MYO5A: variants seen among roughly 807,000 people sequenced by gnomAD.
MYO5A encodes the protein unconventional myosin-Va.
In MYO5A, 98 loss-of-function variants were observed where a neutral mutation model predicts 249.7. That is an observed-to-expected ratio of 0.39 (90% CI 0.33 to 0.46). The LOEUF (loss-of-function observed/expected upper bound fraction) is 0.46. MYO5A is among the 20% of genes least tolerant of loss of function. The pLI, the probability that MYO5A is intolerant of heterozygous loss-of-function variation, is 0.98. For synonymous variants in MYO5A, 778 were observed against 810.6 expected (o/e 0.96, Z 0.68); for missense variants, 1,696 against 2,308.8 (o/e 0.73, Z 5.44).
chr15:52,352,027 T>C (rs2039979065), intron 27 of MYO5A, among the ~76,000 whole-genome samples: 1 of 152,254 alleles, frequency 6.6e-6, no homozygotes, highest in Admixed American at 6.5e-5. Flanking sequence ...CTCCCTTTTG[T>C]GTCTAAATGA....
chr15:52,316,479 C>T (rs150853116), intron 40 of MYO5A, among the ~76,000 whole-genome samples: 161 of 152,306 alleles, frequency 1.1e-3, no homozygotes, highest in African/African-American at 3.8e-3. Flanking sequence ...TTTGCTAGAA[C>T]CTCTACGGTA....
chr15:52,382,269 T>C (rs1362147092), intron 16 of MYO5A, among the ~76,000 whole-genome samples: 1 of 152,222 alleles, frequency 6.6e-6, no homozygotes, highest in African/African-American at 2.4e-5. Flanking sequence ...ACAATGTACA[T>C]GTATTACTTT....
rs762509740 is a variant in MYO5A at position 52,425,972 on chromosome 15, T to C, written c.313A>G (p.Ile105Val). Reference sequence around the variant, plus strand: ...TAGGGATTTATAGCTACTAGGACTATACCTGGGAATAGGGTAGGGGACAAG... The same window carrying C: ...TAGGGATTTATAGCTACTAGGACTACACCTGGGAATAGGGTAGGGGACAAG... ...DSKLIYTYCG[I>V]VLVAINPYEQ... Residue 105 changes from isoleucine (I) to valine (V), a missense_variant and splice_region_variant, in exon 4 of 42, where the codon ATA (isoleucine) becomes GTA (valine). Around this residue, in one of 5 missense-constraint regions of MYO5A, gnomAD observed 197 missense variants for 320.3 expected, o/e 0.62. Coordinates refer to ENST00000399233, the MANE Select transcript of MYO5A (RefSeq NM_001382347.1). The C allele has an allele frequency of 6.8e-6, 11 of 1,611,666 alleles. No individual in the cohort carries two copies. Among genetic ancestry groups the C allele is most frequent in the African/African-American group, 1.3e-5 (1 of 74,856 alleles).
At position 52,372,208 on chromosome 15, in the gene MYO5A, C is replaced by T. The variant is rs768589221; in HGVS notation, c.2733G>A (p.Glu911=). The T allele has an allele frequency of 3.7e-6, 6 of 1,613,600 alleles. No individual in the cohort carries two copies. In the Admixed American group the frequency reaches 8.3e-5, roughly 22 times the overall value. The change falls in exon 21 of 42, where the codon GAG becomes GAA. Residue 911 remains glutamate, a synonymous_variant. Transcript: ENST00000399233. The stretch of plus-strand genomic sequence containing the variant: ...TCTTATAGCGCTCCACTGAGCGAGC[C>T]TCGATTTTGAGCTTCTTTAGCTCAC... ...AKRELKKLKI[E]ARSVERYKKL... is the part of the protein sequence containing the mutation.
chr15:52,397,083 A>G (rs1402235287), intron 10 of MYO5A, 118 bp downstream of exon 10: 3 of 1,245,958 alleles, frequency 2.4e-6, no homozygotes, highest in African/African-American at 3.0e-5. Context: ...GAATTGTCAT[A>G]GGCAAAGTTT....
Position 52,360,044 on chromosome 15 carries a change from G to A in MYO5A, c.3347C>T (p.Thr1116Ile), listed in dbSNP as rs2040439877. The change falls in exon 25 of 42, where the codon ACC (threonine) becomes ATC (isoleucine). Residue 1116 changes from threonine to isoleucine, a missense_variant. Around this residue, in one of 5 missense-constraint regions of MYO5A, gnomAD observed 412 missense variants for 453.3 expected, o/e 0.91. Transcript: ENST00000399233. ...ATATTCAGACTCGTTGCTGCTGTGGGTGGAGTCTGTTCTCTTGTGTCCAGG... is the reference window on the plus strand; with the variant it reads ...ATATTCAGACTCGTTGCTGCTGTGGATGGAGTCTGTTCTCTTGTGTCCAGG... Reference protein sequence around the residue: ...PKPGHKRTDSTHSSNESEYIF... With the variant: ...PKPGHKRTDSIHSSNESEYIF... 1 of 1,613,572 alleles carries A rather than the reference G, an allele frequency of 6.2e-7. No individual in the cohort carries two copies. The highest frequency in any genetic ancestry group is 8.5e-7 in the Non-Finnish European group (1 of 1,179,762).
intron 25 of MYO5A, among the ~76,000 whole-genome samples, chr15:52,359,516 A>C (rs2040414233): frequency 6.6e-6 from 1 of 152,200 alleles, no homozygotes; most frequent in African/African-American, 2.4e-5. Flanking sequence ...AGTTTTGCTA[A>C]ACTCTGGGGC....
intron 26 of MYO5A, 92 bp downstream of exon 26, chr15:52,353,779 G>A (rs2040067274): frequency 6.2e-7 from 1 of 1,603,654 alleles, no homozygotes; most frequent in African/African-American, 1.3e-5. Context: ...AGTGGTGCTT[G>A]GATAGGCTGG....
chr15:52,389,496 T>C, intron 12 of MYO5A, 133 bp from the exon 13 acceptor site: 1 of 835,538 alleles, frequency 1.2e-6, no homozygotes, highest in Non-Finnish European at 1.8e-6. Flanking sequence ...AATTTAGGAG[T>C]TCATTCCTTC....
Position 52,317,030 on chromosome 15 carries a change from CAG to C in MYO5A, c.5409+16_5409+17del. ...TGATGAATGTTAAATTATTTTGTAA[CAG>C]GGAAAGTTGCTCTACCTGGGCAGTA... On this transcript the variant is annotated intron_variant, in intron 40 of 41. Transcript: ENST00000399233. 1 of 1,607,684 alleles carries C rather than the reference CAG, an allele frequency of 6.2e-7. No individual in the cohort carries two copies. Among genetic ancestry groups the C allele is most frequent in the Non-Finnish European group, 8.5e-7 (1 of 1,174,250 alleles).
intron 1 of MYO5A, among the ~76,000 whole-genome samples, chr15:52,509,126 C>T (rs1412776290): frequency 6.6e-6 from 1 of 152,122 alleles, no homozygotes; most frequent in Non-Finnish European, 1.5e-5. Flanking sequence ...CATGTGCCAC[C>T]ACACCCAGCT....
At chr15:52,412,285 T>C (rs1009733977) in intron 5 of MYO5A, among the ~76,000 whole-genome samples, 17 of 152,314 alleles carry the variant, frequency 1.1e-4, no homozygotes, top group Admixed American at 3.3e-4. Flanking sequence ...TCTCCCCACC[T>C]ACTCAGACTG....
At chr15:52,455,368 T>C (rs895744911) in intron 1 of MYO5A, among the ~76,000 whole-genome samples, 1 of 152,066 alleles carries the variant, frequency 6.6e-6, no homozygotes, top group Non-Finnish European at 1.5e-5. Flanking sequence ...AATTGCTGAA[T>C]TCTACCAAGC....
At chr15:52,515,919 GCAGA>G (rs2077486652) in intron 1 of MYO5A, among the ~76,000 whole-genome samples, 1 of 152,106 alleles carries the variant, frequency 6.6e-6, no homozygotes, top group African/African-American at 2.4e-5. Context: ...AGATGAGAAA[GCAGA>G]CAGAGAGAAA....
intron 14 of MYO5A, among the ~76,000 whole-genome samples, chr15:52,386,220 G>T (rs2041966733): frequency 6.6e-6 from 1 of 151,930 alleles, no homozygotes; most frequent in African/African-American, 2.4e-5. Context: ...GATGTGGAAG[G>T]ATCACCTGAG....
At chr15:52,373,179 T>A (rs750543873) in intron 20 of MYO5A, among the ~76,000 whole-genome samples, 11 of 152,016 alleles carry the variant, frequency 7.2e-5, no homozygotes, top group Admixed American at 1.3e-4. Flanking sequence ...TAAAAAAAAA[T>A]GATATTTCCC....
At chr15:52,443,426 T>A (rs984141356) in intron 1 of MYO5A, among the ~76,000 whole-genome samples, 9 of 152,208 alleles carry the variant, frequency 5.9e-5, no homozygotes, top group African/African-American at 1.9e-4. Context: ...ACCTTGCATA[T>A]ACTGTGAAAT....
At chr15:52,325,858 T>G (rs909597613) in intron 36 of MYO5A, among the ~76,000 whole-genome samples, 3 of 152,238 alleles carry the variant, frequency 2.0e-5, no homozygotes, top group African/African-American at 7.2e-5. Context: ...ACTCTTTACC[T>G]AAGAGGTTAC....
At chr15:52,442,758 CTTT>C (rs57527294) in intron 1 of MYO5A, among the ~76,000 whole-genome samples, 33 of 141,026 alleles carry the variant, frequency 2.3e-4, no homozygotes, top group East Asian at 6.2e-4. Flanking sequence ...CAGTTTTTTT[CTTT>C]TTTTTTTTTT....
Sources: allele counts gnomAD v4.1 joint callset (sites outside exome capture counted in the v4.1 genomes callset), GRCh38; gene constraint gnomAD v4.1.1; regional missense constraint gnomAD v4.1.1; transcripts MANE v1.5; gene names NCBI Gene and HGNC (gene_info 2026-07-23, HGNC 2026-07-21).